The following DPYD variants were observed in gnomAD, a reference collection of about 807,000 sequenced individuals.
The protein encoded by DPYD is dihydropyrimidine dehydrogenase [NADP(+)].
DPYD carries 109 observed loss-of-function variants against 116.2 expected under a neutral mutation model. That is an observed-to-expected ratio of 0.94 (90% CI 0.80 to 1.10). DPYD has a LOEUF of 1.10. Ranked by LOEUF, DPYD falls within the 50% of genes least tolerant of loss-of-function variation. DPYD has a pLI of 0.00. For synonymous variants in DPYD, 440 were observed against 432.0 expected (o/e 1.02, Z -0.23); for missense variants, 1,302 against 1,254.5 (o/e 1.04, Z -0.57).
chr1:97,238,156 C>G (rs2100761389), intron 18 of DPYD, among the ~76,000 whole-genome samples: 1 of 152,208 alleles, frequency 6.6e-6, no homozygotes, highest in Non-Finnish European at 1.5e-5. Flanking sequence ...TTCTTCCTTT[C>G]TAACGCTTTT....
At chr1:97,430,148 C>G (rs1675095520) in intron 14 of DPYD, among the ~76,000 whole-genome samples, 1 of 152,060 alleles carries the variant, frequency 6.6e-6, no homozygotes, top group African/African-American at 2.4e-5. Flanking sequence ...CACATTTTTC[C>G]TACTATCATT....
intron 14 of DPYD, among the ~76,000 whole-genome samples, chr1:97,402,918 AT>A (rs79487498): frequency 0.19 from 29,061 of 151,898 alleles, 2,941 homozygotes; most frequent in South Asian, 0.36. Flanking sequence ...ACATTACCTG[AT>A]TTTTTGAATG....
chr1:97,732,293 G>A (rs546128445), intron 4 of DPYD, among the ~76,000 whole-genome samples: 4 of 152,022 alleles, frequency 2.6e-5, no homozygotes, highest in African/African-American at 9.6e-5. Context: ...TAGCTAACAC[G>A]GTGAAACCTC....
chr1:97,826,955 C>A (rs138337892), intron 3 of DPYD, among the ~76,000 whole-genome samples: 4 of 151,934 alleles, frequency 2.6e-5, no homozygotes, highest in Non-Finnish European at 5.9e-5. Flanking sequence ...TACAGAAGTA[C>A]CATGTATCTT....
At chr1:97,176,134 A>G (rs559295995) in intron 20 of DPYD, among the ~76,000 whole-genome samples, 8 of 152,198 alleles carry the variant, frequency 5.3e-5, no homozygotes, top group Non-Finnish European at 8.8e-5. Flanking sequence ...CAACACTAGA[A>G]GAATTTAATT....
rs140703483 is a variant in DPYD at position 97,696,623 on chromosome 1, C to A, written c.680+2728G>T. On this transcript the variant is annotated intron_variant, in intron 6 of 22. Transcript: ENST00000370192. ...CTAAGGCTTTGAAAAAAAAAAATTT[C>A]TTGTAATCGTAAGTCCTTTAGTATA... Among the ~76,000 whole-genome samples, 18 of 151,986 alleles carry A rather than the reference C, an allele frequency of 1.2e-4. 1 individual carries two copies. In the East Asian group the frequency reaches 3.3e-3, roughly 28 times the overall value.
intron 6 of DPYD, among the ~76,000 whole-genome samples, 181 bp from the exon 7 acceptor site, chr1:97,691,979 T>C (rs1332848336): frequency 6.6e-6 from 1 of 152,154 alleles, no homozygotes; most frequent in Non-Finnish European, 1.5e-5. Context: ...TATAAACATG[T>C]TACGTGGAGT....
intron 3 of DPYD, among the ~76,000 whole-genome samples, chr1:97,760,658 C>T (rs977214928): frequency 6.6e-6 from 1 of 151,982 alleles, no homozygotes; most frequent in African/African-American, 2.4e-5. Context: ...TGGTGGACGA[C>T]TATAATGTCA....
At chr1:97,861,233 C>T (rs1210837029) in intron 2 of DPYD, among the ~76,000 whole-genome samples, 2 of 151,680 alleles carry the variant, frequency 1.3e-5, no homozygotes, top group Non-Finnish European at 2.9e-5. Flanking sequence ...TAAAACATAA[C>T]AAATGATGCA....
intron 20 of DPYD, among the ~76,000 whole-genome samples, chr1:97,135,268 AATT>A (rs1385447170): frequency 6.6e-6 from 1 of 152,168 alleles, no homozygotes; most frequent in Non-Finnish European, 1.5e-5. Context: ...TTGTACAGTA[AATT>A]ATTAAGTGTT....
At chr1:97,823,550 T>C (rs1267132870) in intron 3 of DPYD, among the ~76,000 whole-genome samples, 2 of 152,232 alleles carry the variant, frequency 1.3e-5, no homozygotes, top group Non-Finnish European at 2.9e-5. Flanking sequence ...TTCTATGAGA[T>C]GAACGTCTTT....
At chr1:97,352,348 A>G (rs1372945663) in intron 16 of DPYD, among the ~76,000 whole-genome samples, 1 of 152,224 alleles carries the variant, frequency 6.6e-6, no homozygotes, top group Non-Finnish European at 1.5e-5. Context: ...CTGCTACCTA[A>G]TAGTTGCTCA....
At chr1:97,170,151 A>G (rs1204467399) in intron 20 of DPYD, among the ~76,000 whole-genome samples, 2 of 152,182 alleles carry the variant, frequency 1.3e-5, no homozygotes, top group Non-Finnish European at 2.9e-5. Context: ...GATGGCCCTC[A>G]TAAGTTTTCT....
intron 8 of DPYD, among the ~76,000 whole-genome samples, chr1:97,645,647 A>C (rs1184423580): frequency 6.6e-6 from 1 of 151,984 alleles, no homozygotes; most frequent in Non-Finnish European, 1.5e-5. Flanking sequence ...AGGCTTAATG[A>C]TATGTTAGGT....
chr1:97,736,850 TTGTGTG>T (rs71590232), intron 4 of DPYD, among the ~76,000 whole-genome samples: 1,764 of 142,094 alleles, frequency 0.012, 44 homozygotes, highest in African/African-American at 0.043. Context: ...GTGTGTGCAT[TTGTGTG>T]TGTGTGTGTG....
intron 1 of DPYD, among the ~76,000 whole-genome samples, chr1:97,919,728 A>C (rs898095476): frequency 6.6e-6 from 1 of 152,206 alleles, no homozygotes; most frequent in Non-Finnish European, 1.5e-5. Flanking sequence ...GCTCAATATC[A>C]AAAAGTCAAC....
intron 16 of DPYD, among the ~76,000 whole-genome samples, chr1:97,349,632 T>C (rs1402208510): frequency 6.6e-6 from 1 of 152,142 alleles, no homozygotes; most frequent in Non-Finnish European, 1.5e-5. Flanking sequence ...TTGCTGAGAA[T>C]GATGGCTTCC....
chr1:97,773,642 C>G (rs1403721112), intron 3 of DPYD, among the ~76,000 whole-genome samples: 2 of 152,180 alleles, frequency 1.3e-5, no homozygotes, highest in Non-Finnish European at 2.9e-5. Flanking sequence ...CTGACAGACA[C>G]TGTGTTTGCC....
chr1:97,199,282 A>G (rs1368309979), intron 19 of DPYD, among the ~76,000 whole-genome samples: 1 of 152,080 alleles, frequency 6.6e-6, no homozygotes, highest in Non-Finnish European at 1.5e-5. Flanking sequence ...TCTTAAAGTC[A>G]ATCTTGTGGT....
Sources: gnomAD v4.1 joint callset for allele counts (sites outside exome capture counted in the v4.1 genomes callset) on GRCh38, gnomAD v4.1.1 for gene constraint, MANE v1.5 for transcripts, NCBI Gene and HGNC (gene_info 2026-07-23, HGNC 2026-07-21) for gene names.